Variants in NR5A2 observed in about 807,000 individuals in gnomAD.
The protein encoded by NR5A2 is CYP7A promoter-binding factor.
NR5A2 carries 26 observed loss-of-function variants against 62.7 expected under a neutral mutation model. The observed-to-expected ratio is 0.41, with a 90% CI of 0.30 to 0.58. The LOEUF (loss-of-function observed/expected upper bound fraction) is 0.58, where lower values mean the gene tolerates loss of function less well. Ranked by LOEUF, NR5A2 falls within the 20% of genes least tolerant of loss-of-function variation. The pLI, the probability that NR5A2 is intolerant of heterozygous loss-of-function variation, is 0.22. For synonymous variants in NR5A2, 246 were observed against 241.7 expected (o/e 1.02, Z -0.16); for missense variants, 541 against 669.1 (o/e 0.81, Z 2.11).
At chr1:200,098,771 A>G (rs953888460) in intron 5 of NR5A2, among the ~76,000 whole-genome samples, 5 of 152,248 alleles carry the variant, frequency 3.3e-5, no homozygotes, top group African/African-American at 1.2e-4. Context: ...GGGTGTCCCC[A>G]GTCCAGGTAA....
intron 5 of NR5A2, among the ~76,000 whole-genome samples, chr1:200,079,744 C>T (rs1664203788): frequency 6.6e-6 from 1 of 152,202 alleles, no homozygotes; most frequent in African/African-American, 2.4e-5. Flanking sequence ...CGGTGCAAGC[C>T]CACTGGCAGG....
intron 5 of NR5A2, among the ~76,000 whole-genome samples, chr1:200,103,090 T>G (rs993098855): frequency 6.6e-6 from 1 of 151,156 alleles, no homozygotes; most frequent in Non-Finnish European, 1.5e-5. Context: ...TGAGTTGTTG[T>G]GAAGATTAAA....
At chr1:200,146,247 C>G (rs1326533871) in intron 7 of NR5A2, among the ~76,000 whole-genome samples, 2 of 152,180 alleles carry the variant, frequency 1.3e-5, no homozygotes, top group Non-Finnish European at 2.9e-5. Flanking sequence ...CATCTACCTG[C>G]TACAATTGGC....
intron 1 of NR5A2, among the ~76,000 whole-genome samples, chr1:200,033,487 C>T (rs930125908): frequency 1.3e-5 from 2 of 152,138 alleles, no homozygotes; most frequent in Non-Finnish European, 2.9e-5. Flanking sequence ...GCATTTTTCA[C>T]GGTAAGTGCT....
At chr1:200,062,579 A>C (rs1202899283) in intron 5 of NR5A2, among the ~76,000 whole-genome samples, 2 of 152,208 alleles carry the variant, frequency 1.3e-5, no homozygotes, top group Non-Finnish European at 2.9e-5. Context: ...AATTCTTCAA[A>C]AGTTTTCCGT....
chr1:200,028,867 C>G (rs1182806449), intron 1 of NR5A2, among the ~76,000 whole-genome samples: 1 of 152,142 alleles, frequency 6.6e-6, no homozygotes, highest in Non-Finnish European at 1.5e-5. Flanking sequence ...TCCTAGTCAG[C>G]TGACTCCACA....
rs377308692 is a variant in NR5A2, at chr1:200,120,855, C to T, written c.1278C>T (p.Asn426=). Residue 426 remains asparagine, a synonymous_variant, in exon 7 of 8, where the codon AAC becomes AAT. Coordinates refer to ENST00000367362, the MANE Select transcript of NR5A2 (RefSeq NM_205860.3). ...CACAAGCCGGAGCCACCCTCAACAA[C>T]CTCATGAGTCATGCACAGGAGTTAG... ...IASQAGATLN[N]LMSHAQELVA... is the part of the protein sequence containing the mutation. 11 of 1,602,348 alleles carry T rather than the reference C, an allele frequency of 6.9e-6. No homozygotes were observed. The highest frequency in any genetic ancestry group is 5.4e-5 in the African/African-American group (4 of 74,358).
intron 7 of NR5A2, among the ~76,000 whole-genome samples, chr1:200,132,765 C>T (rs1667019964): frequency 6.6e-6 from 1 of 150,734 alleles, no homozygotes; most frequent in Non-Finnish European, 1.5e-5. Context: ...CTCTGTTCAA[C>T]TCCTCTGAAA....
chr1:200,133,505 CTATATATA>C, intron 7 of NR5A2, among the ~76,000 whole-genome samples: 1 of 134,384 alleles, frequency 7.4e-6, no homozygotes, highest in East Asian at 2.2e-4. Context: ...CACTGATGGA[CTATATATA>C]TATATATATA....
In NR5A2 at chr1:200,174,115, A is replaced by T; in HGVS notation, c.1531A>T (p.Met511Leu). ...ACTACCCGAAATCCGGGCCATCAGTATGCAGGCTGAAGAATACCTCTACTA... is the reference window on the plus strand; with the variant it reads ...ACTACCCGAAATCCGGGCCATCAGTTTGCAGGCTGAAGAATACCTCTACTA... ...LRLPEIRAIS[M>L]QAEEYLYYKH... The change falls in exon 8 of 8, where the codon ATG becomes TTG. Residue 511 changes from methionine (M) to leucine (L), a missense_variant. By Grantham distance (15) the Met-to-Leu change is conservative (BLOSUM62 2). Around this residue, in one of 3 missense-constraint regions of NR5A2, gnomAD observed 379 missense variants for 442.0 expected, o/e 0.86. Coordinates refer to ENST00000367362, the MANE Select transcript of NR5A2 (RefSeq NM_205860.3). 1 of 1,613,926 alleles carries T rather than the reference A, an allele frequency of 6.2e-7. No homozygotes were observed. The highest frequency in any genetic ancestry group is 1.1e-5 in the South Asian group (1 of 91,072).
chr1:200,094,195 T>TTAG (rs1664958753), intron 5 of NR5A2, among the ~76,000 whole-genome samples: 2 of 149,288 alleles, frequency 1.3e-5, no homozygotes, highest in African/African-American at 4.9e-5. Context: ...TTTTTTTTTC[T>TTAG]TTTTTTGGAG....
At chr1:200,053,569 GCACACACACACACACACACA>G (rs34611924) in intron 5 of NR5A2, among the ~76,000 whole-genome samples, 1 of 141,994 alleles carries the variant, frequency 7.0e-6, no homozygotes, top group African/African-American at 2.7e-5. Flanking sequence ...GCATGCACAC[GCACACACACACACACACACA>G]CACACACACA....
At chr1:200,045,256 A>T (rs1415131500) in intron 3 of NR5A2, among the ~76,000 whole-genome samples, 187 bp from the exon 4 acceptor site, 2 of 152,140 alleles carry the variant, frequency 1.3e-5, no homozygotes, top group Non-Finnish European at 2.9e-5. Context: ...ATGCCAGAAA[A>T]ATCTCCACCA....
At chr1:200,118,023 T>TTC (rs1553274565) in intron 6 of NR5A2, among the ~76,000 whole-genome samples, 22 of 139,516 alleles carry the variant, frequency 1.6e-4, no homozygotes, top group Non-Finnish European at 3.0e-4. Flanking sequence ...CTTTTTCTTT[T>TTC]TTTTTTTTTT....
intron 7 of NR5A2, among the ~76,000 whole-genome samples, chr1:200,166,582 A>G (rs571313399): frequency 1.3e-5 from 2 of 152,334 alleles, no homozygotes; most frequent in East Asian, 3.9e-4. Context: ...CAACTCCAGC[A>G]AGTGACAGAA....
At chr1:200,129,355 A>G (rs1442844709) in intron 7 of NR5A2, among the ~76,000 whole-genome samples, 2 of 152,152 alleles carry the variant, frequency 1.3e-5, no homozygotes, top group Non-Finnish European at 2.9e-5. Flanking sequence ...TTAAGAGACA[A>G]CAGAGATTTG....
intron 1 of NR5A2, among the ~76,000 whole-genome samples, chr1:200,037,947 A>C (rs1267080106): frequency 6.6e-6 from 1 of 152,240 alleles, no homozygotes; most frequent in African/African-American, 2.4e-5. Context: ...TTCAATGTGT[A>C]ATCTCTATAC....
chr1:200,029,996 A>G (rs1661494787), intron 1 of NR5A2, among the ~76,000 whole-genome samples: 3 of 152,176 alleles, frequency 2.0e-5, no homozygotes, highest in Admixed American at 2.0e-4. Context: ...GAGGGCGGTG[A>G]GGAGCCTTCG....
At chr1:200,073,033 C>T (rs908376478) in intron 5 of NR5A2, among the ~76,000 whole-genome samples, 15 of 152,112 alleles carry the variant, frequency 9.9e-5, no homozygotes, top group African/African-American at 3.6e-4. Context: ...TTTATCTTTA[C>T]TTCCTTACGA....
Sources: gnomAD v4.1 joint callset for allele counts (sites outside exome capture counted in the v4.1 genomes callset) on GRCh38, gnomAD v4.1.1 for gene constraint, gnomAD v4.1.1 regional missense constraint, MANE v1.5 for transcripts, NCBI Gene and HGNC (gene_info 2026-07-23, HGNC 2026-07-21) for gene names.